RALGAPA2: variants seen among roughly 807,000 people sequenced by gnomAD.
RALGAPA2 encodes ral GTPase-activating protein subunit alpha-2.
A neutral mutation model predicts 230.4 loss-of-function variants in RALGAPA2; 139 were observed. That is an observed-to-expected ratio of 0.60 (90% CI 0.53 to 0.69). The LOEUF (loss-of-function observed/expected upper bound fraction) is 0.69, where lower values mean the gene tolerates loss of function less well. Ranked by LOEUF, RALGAPA2 falls within the 30% of genes least tolerant of loss-of-function variation. The pLI, the probability that RALGAPA2 is intolerant of heterozygous loss-of-function variation, is 0.00. For synonymous variants in RALGAPA2, 847 were observed against 837.8 expected (o/e 1.01, Z -0.19); for missense variants, 2,163 against 2,276.0 (o/e 0.95, Z 1.01).
chr20:20,698,964 CTAATATAATGGATGAATA>C (rs2069232984), intron 1 of RALGAPA2, among the ~76,000 whole-genome samples: 1 of 152,066 alleles, frequency 6.6e-6, no homozygotes, highest in Admixed American at 6.6e-5. Flanking sequence ...AGCAAATTTG[CTAATATAATGGATGAATA>C]TATTTTAATC....
chr20:20,492,475 G>A (rs77845118), intron 36 of RALGAPA2, among the ~76,000 whole-genome samples: 4,953 of 152,188 alleles, frequency 0.033, 100 homozygotes, highest in South Asian at 0.061. Context: ...CTAAAAGTAG[G>A]CAAGGTTAAA....
intron 36 of RALGAPA2, among the ~76,000 whole-genome samples, chr20:20,476,674 AAAATAAATAAATAAAT>A (rs557603048): frequency 4.2e-4 from 59 of 139,448 alleles, no homozygotes; most frequent in Admixed American, 2.7e-3. Flanking sequence ...CATAAATCAT[AAAATAAATAAATAAAT>A]AAATAAATAA....
intron 31 of RALGAPA2, among the ~76,000 whole-genome samples, chr20:20,519,973 C>T (rs1413779103): frequency 6.6e-6 from 1 of 152,128 alleles, no homozygotes; most frequent in African/African-American, 2.4e-5. Context: ...TCAAGTGGTC[C>T]TGTGCTCAAG....
chr20:20,434,808 T>C (rs906505291), intron 37 of RALGAPA2, among the ~76,000 whole-genome samples: 1 of 152,132 alleles, frequency 6.6e-6, no homozygotes, highest in Non-Finnish European at 1.5e-5. Flanking sequence ...TGATGGTGCA[T>C]GTCTGTAGTC....
intron 37 of RALGAPA2, among the ~76,000 whole-genome samples, chr20:20,422,007 T>C (rs901778979): frequency 3.3e-5 from 5 of 152,162 alleles, no homozygotes; most frequent in African/African-American, 1.2e-4. Context: ...GCAAACACTA[T>C]GCTAAGTGAA....
At chr20:20,592,938 CTTT>C (rs369668037) in intron 16 of RALGAPA2, among the ~76,000 whole-genome samples, 43 of 147,678 alleles carry the variant, frequency 2.9e-4, no homozygotes, top group African/African-American at 1.1e-3. Context: ...TATCAATTTA[CTTT>C]TTTTTTTTGC....
chr20:20,432,162 G>A (rs977339528), intron 37 of RALGAPA2, among the ~76,000 whole-genome samples: 8 of 152,170 alleles, frequency 5.3e-5, no homozygotes, highest in African/African-American at 1.7e-4. Flanking sequence ...ATTCATGAGA[G>A]GAAGCTATGT....
chr20:20,552,747 T>C (rs2063964749), intron 23 of RALGAPA2, among the ~76,000 whole-genome samples: 2 of 152,140 alleles, frequency 1.3e-5, no homozygotes, highest in South Asian at 4.1e-4. Flanking sequence ...AGTTCAGAAA[T>C]GCTGAGTGAC....
intron 33 of RALGAPA2, among the ~76,000 whole-genome samples, chr20:20,510,324 T>C (rs1602593118): frequency 6.6e-6 from 1 of 152,336 alleles, no homozygotes; most frequent in African/African-American, 2.4e-5. Context: ...TCCTTCTTAC[T>C]TCTCAGCCAG....
chr20:20,680,896 G>A, intron 1 of RALGAPA2, 95 bp from the exon 2 acceptor site: 1 of 1,484,792 alleles, frequency 6.7e-7, no homozygotes, highest in Non-Finnish European at 8.9e-7. Flanking sequence ...AGTACAACTA[G>A]TTTCATTCCC....
intron 1 of RALGAPA2, among the ~76,000 whole-genome samples, chr20:20,685,887 A>C (rs1192917760): frequency 6.6e-6 from 1 of 152,148 alleles, no homozygotes. Flanking sequence ...ATGCTAGCAC[A>C]CTGGCTTACT....
At chr20:20,628,728 T>G (rs2066572529) in intron 10 of RALGAPA2, among the ~76,000 whole-genome samples, 1 of 151,950 alleles carries the variant, frequency 6.6e-6, no homozygotes, top group South Asian at 2.1e-4. Context: ...CCCTAGGGAG[T>G]AGCATCAAAC....
intron 37 of RALGAPA2, among the ~76,000 whole-genome samples, chr20:20,459,429 T>C (rs1602431422): frequency 6.6e-6 from 1 of 151,886 alleles, no homozygotes; most frequent in East Asian, 1.9e-4. Context: ...TTTTTGCTTT[T>C]TTTTTTTTTT....
chr20:20,458,230 T>C (rs566560821), intron 37 of RALGAPA2, among the ~76,000 whole-genome samples: 1 of 152,068 alleles, frequency 6.6e-6, no homozygotes, highest in African/African-American at 2.4e-5. Context: ...TTGGAAAATG[T>C]TGCCTTCAGC....
At chr20:20,417,489 T>A (rs865965904) in intron 37 of RALGAPA2, among the ~76,000 whole-genome samples, 1 of 152,322 alleles carries the variant, frequency 6.6e-6, no homozygotes. Flanking sequence ...GTGTCTCTCA[T>A]AAAGGACACT....
At position 20,573,056 on chromosome 20, in the gene RALGAPA2, C is replaced by T; in HGVS notation, c.2720G>A (p.Cys907Tyr). Residue 907 changes from cysteine (C) to tyrosine (Y), a missense_variant, in exon 21 of 40, where the codon TGC (cysteine) becomes TAC (tyrosine). Transcript: ENST00000202677. The part of the protein sequence containing the change: ...DASNLTDSSE[C>Y]LTDDCSIIAG... ...GATTATACTACAGTCATCTGTGAGG[C>T]ACTCGCTGCTATCTATGCAGAAAAA... The T allele has an allele frequency of 6.2e-7, 1 of 1,605,086 alleles. No homozygotes were observed. The highest frequency in any genetic ancestry group is 8.5e-7 in the Non-Finnish European group (1 of 1,175,460).
chr20:20,509,192 A>C (rs553449120), intron 33 of RALGAPA2, among the ~76,000 whole-genome samples: 14 of 152,326 alleles, frequency 9.2e-5, no homozygotes, highest in African/African-American at 3.4e-4. Context: ...AGAGAAGTTG[A>C]TCTATGTTCC....
intron 36 of RALGAPA2, among the ~76,000 whole-genome samples, chr20:20,490,227 G>GT (rs1569440745): frequency 6.6e-6 from 1 of 152,166 alleles, no homozygotes; most frequent in Non-Finnish European, 1.5e-5. Context: ...CAAATCCCCT[G>GT]TATCTAGGGA....
chr20:20,428,683 TC>T (rs1157712797), intron 37 of RALGAPA2, among the ~76,000 whole-genome samples: 2 of 150,706 alleles, frequency 1.3e-5, no homozygotes, highest in Non-Finnish European at 3.0e-5. Flanking sequence ...CTTCTCTCAA[TC>T]CCTCATTTCT....
Sources: allele counts gnomAD v4.1 joint callset (sites outside exome capture counted in the v4.1 genomes callset), GRCh38; gene constraint gnomAD v4.1.1; transcripts MANE v1.5; gene names NCBI Gene and HGNC (gene_info 2026-07-23, HGNC 2026-07-21).